Variants in FANCD2 observed in about 807,000 individuals in gnomAD.
FANCD2 encodes the protein Fanconi anemia group D2 protein.
In FANCD2, 131 loss-of-function variants were observed where a neutral mutation model predicts 192.3. That is an observed-to-expected ratio of 0.68 (90% CI 0.59 to 0.79). The LOEUF is 0.79. Among genes scored for constraint, FANCD2 ranks in the 30% least tolerant of loss-of-function variants. The probability of loss-of-function intolerance (pLI) is 0.00; values close to 1 mark genes in which losing one functional copy is unlikely to be tolerated. For missense variants in FANCD2, 1,508 were observed against 1,701.6 expected, an observed-to-expected ratio of 0.89 and a Z score of 2.00; for synonymous variants, 524 against 612.5, an observed-to-expected ratio of 0.86 and a Z score of 2.13.
rs557615082 is a variant in FANCD2, at chr3:10,065,319, G to A, written c.2169-75G>A. The A allele has an allele frequency of 2.1e-3, 2,058 of 978,994 alleles. 45 individuals carry two copies. The South Asian group carries it at 0.025, about 12-fold the overall frequency. 60.6% of individuals were successfully genotyped at this position (978,994 alleles called of 1,614,324 possible). ...AAGAAGTTGTGTTCCCTATGTATGT[G>A]GAGTAATATCTCCCTATGTACGTGG... On this transcript the variant is annotated intron_variant, in intron 23 of 43. Transcript: ENST00000675286.
At chr3:10,093,773 T>C (rs1303802410) in intron 39 of FANCD2, among the ~76,000 whole-genome samples, 1 of 152,202 alleles carries the variant, frequency 6.6e-6, no homozygotes, top group Non-Finnish European at 1.5e-5. Context: ...CAGAATGTTA[T>C]GGGGAGAATG....
At chr3:10,033,899 G>A (rs575896189) in intron 3 of FANCD2, among the ~76,000 whole-genome samples, 20 of 150,820 alleles carry the variant, frequency 1.3e-4, no homozygotes, top group South Asian at 4.2e-4. Context: ...GAGTTTCACC[G>A]TGTTAGCCAG....
chr3:10,060,848 A>G (rs989698262), intron 19 of FANCD2, among the ~76,000 whole-genome samples: 4 of 152,174 alleles, frequency 2.6e-5, no homozygotes, highest in African/African-American at 9.6e-5. Context: ...TGTAGAATCT[A>G]AAGAAATATC....
chr3:10,078,220 G>T, intron 30 of FANCD2, 23 bp downstream of exon 30: 1 of 1,464,692 alleles, frequency 6.8e-7, no homozygotes, highest in South Asian at 1.1e-5. Flanking sequence ...AGAAGCATAG[G>T]ACTTGGGCAT....
intron 29 of FANCD2, among the ~76,000 whole-genome samples, chr3:10,075,728 C>CTTTTTTTTTT (rs71052292): frequency 1.9e-5 from 2 of 106,634 alleles, no homozygotes; most frequent in African/African-American, 7.5e-5. Flanking sequence ...AAATAGTATC[C>CTTTTTTTTTT]TTTTTTTTTT....
chr3:10,064,164 T>G lies in FANCD2; in HGVS notation c.1948-192T>G, dbSNP rs558894791. On this transcript the variant is annotated intron_variant, in intron 21 of 43. Transcript: ENST00000675286. ...GGCTATTATCTGTCTGAGAGCCCTA[T>G]TCTGTGCTGGGCCTTGTGCTAAGTG... Among the ~76,000 whole-genome samples, 4 of 152,352 alleles carry G rather than the reference T, an allele frequency of 2.6e-5. No homozygotes were observed. In the East Asian group the frequency reaches 7.7e-4, roughly 29 times the overall value.
At chr3:10,096,265 A>G (rs1164820427) in intron 41 of FANCD2, 61 bp from the exon 42 acceptor site, 91 of 1,561,234 alleles carry the variant, frequency 5.8e-5, no homozygotes, top group Non-Finnish European at 7.7e-5. Flanking sequence ...AGGTTTCTAT[A>G]AGAAATGTGA....
chr3:10,065,766 A>G (rs2087701950), intron 24 of FANCD2, 98 bp from the exon 25 acceptor site: 1 of 791,068 alleles, frequency 1.3e-6, no homozygotes, highest in African/African-American at 1.7e-5. Context: ...TATGAGTTAA[A>G]GGGGAAAGTA....
chr3:10,050,622 C>CAAAA (rs58316932), intron 17 of FANCD2, among the ~76,000 whole-genome samples: 3 of 59,596 alleles, frequency 5.0e-5, no homozygotes, highest in Non-Finnish European at 7.1e-5. Flanking sequence ...GACTCTGTCT[C>CAAAA]AAAAAAAAAA....
chr3:10,091,931 G>A (rs972116937), intron 37 of FANCD2, among the ~76,000 whole-genome samples: 1 of 152,120 alleles, frequency 6.6e-6, no homozygotes, highest in Non-Finnish European at 1.5e-5. Context: ...TGTTGCAAAG[G>A]CTTTTACTTA....
chr3:10,056,355 TCATATGATGAC>T (rs1204713975), intron 18 of FANCD2, among the ~76,000 whole-genome samples: 1 of 152,164 alleles, frequency 6.6e-6, no homozygotes, highest in African/African-American at 2.4e-5. Context: ...AATTGCTGGA[TCATATGATGAC>T]CATATGTTTA....
intron 26 of FANCD2, among the ~76,000 whole-genome samples, chr3:10,069,591 G>A (rs1693052812): frequency 6.6e-6 from 1 of 151,386 alleles, no homozygotes. Flanking sequence ...CCTGCCGAGT[G>A]CCTGCGATTG....
At position 10,099,170 on chromosome 3, in the gene FANCD2, A is replaced by G. The variant is rs770674504; in HGVS notation, c.4281+355A>G. ...TGAGAAGAATGAGTTAAACCATTTA[A>G]ACACATTTGAAACATACAAAAATAG... On this transcript the variant is annotated intron_variant, in intron 43 of 43. Transcript: ENST00000675286. 4.8e-4 allele frequency: 683 copies of G among 1,427,192 alleles called. 1 individual carries two copies. The highest frequency in any genetic ancestry group is 6.0e-4 in the Non-Finnish European group (653 of 1,096,510). 88.4% of individuals were successfully genotyped at this position (1,427,192 alleles called of 1,614,324 possible).
At chr3:10,032,803 C>G (rs368366938) in intron 2 of FANCD2, 29 bp from the exon 3 acceptor site, 1 of 1,596,632 alleles carries the variant, frequency 6.3e-7, no homozygotes. Context: ...TACTATTTGC[C>G]ATATTCTTGA....
At chr3:10,043,176 T>C in intron 12 of FANCD2, 26 bp downstream of exon 12, 4 of 1,582,128 alleles carry the variant, frequency 2.5e-6, no homozygotes, top group Non-Finnish European at 2.6e-6. Flanking sequence ...TCACACAGGA[T>C]GTCACAATTT....
intron 21 of FANCD2, 56 bp from the exon 22 acceptor site, chr3:10,064,300 G>C (rs1183444889): frequency 5.2e-6 from 6 of 1,144,860 alleles, no homozygotes; most frequent in Non-Finnish European, 6.7e-6. Context: ...AATTTATCTA[G>C]GGCTGTACAG....
At chr3:10,092,102 G>A (rs1292878949) in intron 37 of FANCD2, 79 bp from the exon 38 acceptor site, 1 of 997,798 alleles carries the variant, frequency 1.0e-6, no homozygotes, top group Non-Finnish European at 1.6e-6. Flanking sequence ...TGTAATTCAA[G>A]AACTATATCT....
chr3:10,099,341 T>C, intron 43 of FANCD2: 2 of 1,197,860 alleles, frequency 1.7e-6, no homozygotes, highest in South Asian at 2.0e-5. Context: ...AATGTAGACA[T>C]GGCTGGCGCA....
At chr3:10,087,925 A>T (rs1053460582) in intron 34 of FANCD2, among the ~76,000 whole-genome samples, 14 of 152,128 alleles carry the variant, frequency 9.2e-5, no homozygotes, top group African/African-American at 3.4e-4. Context: ...GGGATTACAG[A>T]CGTGAGCCAC....
Sources: allele counts gnomAD v4.1 joint callset (sites outside exome capture counted in the v4.1 genomes callset), GRCh38; gene constraint gnomAD v4.1.1; transcripts MANE v1.5; gene names NCBI Gene and HGNC (gene_info 2026-07-23, HGNC 2026-07-21).